The following TMEM132B variants were observed in gnomAD, a reference collection of about 807,000 sequenced individuals.
TMEM132B encodes transmembrane protein 132B.
A neutral mutation model predicts 90.8 loss-of-function variants in TMEM132B; 18 were observed. The ratio of observed to expected loss-of-function variants is 0.20; its 90% confidence interval spans 0.14 to 0.29. The LOEUF is 0.29. Among genes scored for constraint, TMEM132B ranks in the 10% least tolerant of loss-of-function variants. TMEM132B has a pLI of 1.00. For missense variants in TMEM132B, 1,096 were observed against 1,326.8 expected (o/e 0.83, Z 2.70); for synonymous variants, 504 against 523.3 (o/e 0.96, Z 0.50).
intron 5 of TMEM132B, among the ~76,000 whole-genome samples, chr12:125,629,674 T>C (rs974448696): frequency 3.3e-5 from 5 of 152,164 alleles, no homozygotes; most frequent in Non-Finnish European, 5.9e-5. Flanking sequence ...TCCAGTACTA[T>C]GCTGAATAAC....
intron 2 of TMEM132B, among the ~76,000 whole-genome samples, chr12:125,359,605 T>G (rs1049855900): frequency 3.3e-5 from 5 of 152,182 alleles, no homozygotes; most frequent in African/African-American, 1.2e-4. Context: ...CCTCCCTAAC[T>G]ACATGAGACA....
chr12:125,309,438 A>G (rs982124985), intron 1 of TMEM132B, among the ~76,000 whole-genome samples: 2 of 152,112 alleles, frequency 1.3e-5, no homozygotes, highest in African/African-American at 4.8e-5. Context: ...AATCTTAATT[A>G]TTTGGTTCTT....
At chr12:125,252,499 A>G (rs142136129) in intron 1 of TMEM132B, among the ~76,000 whole-genome samples, 3 of 152,286 alleles carry the variant, frequency 2.0e-5, no homozygotes, top group Non-Finnish European at 4.4e-5. Flanking sequence ...CGCTGGTCCA[A>G]TCAGCTATGG....
At chr12:125,275,868 C>T (rs945913714) in intron 1 of TMEM132B, among the ~76,000 whole-genome samples, 2 of 152,124 alleles carry the variant, frequency 1.3e-5, no homozygotes, top group Admixed American at 6.5e-5. Context: ...TACATGCCAC[C>T]ATGCCTGGCT....
chr12:125,437,664 G>A (rs980070968), intron 3 of TMEM132B, among the ~76,000 whole-genome samples: 4 of 152,180 alleles, frequency 2.6e-5, no homozygotes, highest in Admixed American at 6.5e-5. Flanking sequence ...CAGCAACACA[G>A]GCTACAACAT....
intron 3 of TMEM132B, among the ~76,000 whole-genome samples, chr12:125,472,756 G>A (rs1428728282): frequency 6.6e-6 from 1 of 152,156 alleles, no homozygotes; most frequent in African/African-American, 2.4e-5. Flanking sequence ...GGCACCACCT[G>A]TGAGGAACGG....
rs937856370 is a variant in TMEM132B at position 125,492,211 on chromosome 12, G to A, written c.1107-27228G>A. Among the ~76,000 whole-genome samples the A allele has an allele frequency of 4.6e-5, 7 of 152,268 alleles. No homozygotes were observed. The highest frequency in any genetic ancestry group is 2.0e-4 in the Admixed American group (3 of 15,304). On this transcript the variant is annotated intron_variant, in intron 3 of 8. Coordinates refer to ENST00000682704, the MANE Select transcript of TMEM132B (RefSeq NM_001366854.1). The surrounding 1 kb of genome is among the most constrained non-coding windows in gnomAD (Gnocchi z 5.8). ...GGGTACTGGGGCGCATAAGGGGCTC[G>A]CTGGCCACTTGTGCAAATGTTTCCT...
At chr12:125,290,164 C>A (rs543725819) in intron 1 of TMEM132B, among the ~76,000 whole-genome samples, 2 of 152,250 alleles carry the variant, frequency 1.3e-5, no homozygotes, top group East Asian at 3.9e-4. Context: ...TGAGTTTGGG[C>A]CGTAATTCAT....
chr12:125,198,805 G>T (rs939022621), intron 1 of TMEM132B, among the ~76,000 whole-genome samples: 1 of 152,214 alleles, frequency 6.6e-6, no homozygotes, highest in Admixed American at 6.5e-5. Flanking sequence ...TGCCTCTGGG[G>T]TCCCTATGCC....
chr12:125,583,745 C>A, intron 4 of TMEM132B, 106 bp from the exon 5 acceptor site: 1 of 1,346,360 alleles, frequency 7.4e-7, no homozygotes, highest in Non-Finnish European at 1.0e-6. Flanking sequence ...CTGTCTAAAT[C>A]GCAGAACGAG....
At chr12:125,363,483 A>G (rs1244265211) in intron 2 of TMEM132B, among the ~76,000 whole-genome samples, 1 of 152,146 alleles carries the variant, frequency 6.6e-6, no homozygotes, top group Non-Finnish European at 1.5e-5. Context: ...TCCCCGTTGG[A>G]AATTTAACCC....
chr12:125,290,972 G>A (rs908754851), intron 1 of TMEM132B, among the ~76,000 whole-genome samples: 1 of 152,022 alleles, frequency 6.6e-6, no homozygotes, highest in African/African-American at 2.4e-5. Flanking sequence ...TAGAGAGAGT[G>A]TTAAAGACAA....
At chr12:125,430,498 G>T (rs1310844577) in intron 3 of TMEM132B, among the ~76,000 whole-genome samples, 1 of 152,172 alleles carries the variant, frequency 6.6e-6, no homozygotes, top group Non-Finnish European at 1.5e-5. Flanking sequence ...CAGTGACTTG[G>T]GGAAGGACTT....
At position 125,348,235 on chromosome 12, in the gene TMEM132B, T is replaced by G. The variant is rs551772036; in HGVS notation, c.68-1217T>G. On this transcript the variant is annotated intron_variant, in intron 1 of 8. Transcript: ENST00000682704. ...CCACTGTAAATGTTTAGTTTCCTGTTGATCAACCTATTGAATATGGATTAA... is the reference window on the plus strand; with the variant it reads ...CCACTGTAAATGTTTAGTTTCCTGTGGATCAACCTATTGAATATGGATTAA... 2.0e-5 allele frequency among the ~76,000 whole-genome samples: 3 copies of G among 152,366 alleles called. No homozygotes were observed. In the East Asian group the frequency reaches 5.8e-4, roughly 29 times the overall value.
In TMEM132B at chr12:125,626,074, G is replaced by A. The variant is rs1031707613; in HGVS notation, c.1438-18002G>A. ...ATGCATTGTTACTAGTTTTGCTTTA[G>A]ATAATTAGCTATTTTTTCAGAACAA... On this transcript the variant is annotated intron_variant, in intron 5 of 8. Transcript: ENST00000682704. Among the ~76,000 whole-genome samples, 4 of 152,148 alleles carry A rather than the reference G, an allele frequency of 2.6e-5. No individual in the cohort carries two copies. In the East Asian group the frequency reaches 7.7e-4, roughly 29 times the overall value.
intron 4 of TMEM132B, among the ~76,000 whole-genome samples, chr12:125,536,096 G>A (rs1356906771): frequency 1.3e-5 from 2 of 152,176 alleles, no homozygotes; most frequent in Non-Finnish European, 2.9e-5. Context: ...CCATGTATCA[G>A]CTGGCCCCAA....
At chr12:125,293,793 C>T (rs10846862) in intron 1 of TMEM132B, among the ~76,000 whole-genome samples, 20,788 of 152,256 alleles carry the variant, frequency 0.14, 1,588 homozygotes, top group African/African-American at 0.2. Flanking sequence ...TGACATTCCA[C>T]CCCTTGAGAG....
At chr12:125,390,892 A>G (rs1249733740) in intron 2 of TMEM132B, among the ~76,000 whole-genome samples, 1 of 152,130 alleles carries the variant, frequency 6.6e-6, no homozygotes, top group African/African-American at 2.4e-5. Context: ...GAGGAAAAAT[A>G]TTGTTTTGGG....
chr12:125,454,094 C>T (rs1881225381), intron 3 of TMEM132B, among the ~76,000 whole-genome samples: 1 of 152,126 alleles, frequency 6.6e-6, no homozygotes, highest in African/African-American at 2.4e-5. Context: ...GATTTCTGGG[C>T]TCTGGCTTAG....
Sources: allele counts gnomAD v4.1 joint callset (sites outside exome capture counted in the v4.1 genomes callset), GRCh38; gene constraint gnomAD v4.1.1; non-coding constraint Gnocchi (gnomAD v3.1); transcripts MANE v1.5; gene names NCBI Gene and HGNC (gene_info 2026-07-23, HGNC 2026-07-21).